Variants in MS4A4E observed in about 807,000 individuals in gnomAD.
The protein encoded by MS4A4E is membrane spanning 4-domains A4E.
In MS4A4E, 23 loss-of-function variants were observed where a neutral mutation model predicts 13.3. That is an observed-to-expected ratio of 1.73 (90% confidence interval 1.25 to 2.45). The LOEUF is 2.45. MS4A4E is among the 30% of genes most tolerant of loss of function. The probability of loss-of-function intolerance (pLI) is 0.00; values close to 1 mark genes in which losing one functional copy is unlikely to be tolerated. For missense variants in MS4A4E, 144 were observed against 131.2 expected (o/e 1.10, Z -0.48); for synonymous variants, 36 against 45.6 (o/e 0.79, Z 0.85).
chr11:60,219,601 C>T (rs2084242035), intron 3 of MS4A4E, among the ~76,000 whole-genome samples: 1 of 152,182 alleles, frequency 6.6e-6, no homozygotes, highest in African/African-American at 2.4e-5. Context: ...TGCCATTTTA[C>T]AGACCCAGAA....
intron 1 of MS4A4E, among the ~76,000 whole-genome samples, chr11:60,232,284 A>ACACACACACACACACACAC (rs2084419568): frequency 6.9e-5 from 9 of 130,166 alleles, no homozygotes; most frequent in African/African-American, 2.6e-4. Context: ...CATCGCCATC[A>ACACACACACACACACACAC]ACACACACAC....
At chr11:60,219,367 A>G (rs544701001) in intron 3 of MS4A4E, among the ~76,000 whole-genome samples, 41 of 152,366 alleles carry the variant, frequency 2.7e-4, no homozygotes, top group Middle Eastern at 6.8e-3. Flanking sequence ...CATAGCTACC[A>G]TAATAGACAG....
At chr11:60,212,108 CA>C (rs1393242401) in intron 5 of MS4A4E, among the ~76,000 whole-genome samples, 1 of 152,010 alleles carries the variant, frequency 6.6e-6, no homozygotes, top group Non-Finnish European at 1.5e-5. Flanking sequence ...ATTGAGATAG[CA>C]TTGAAATAAG....
chr11:60,224,281 CTT>C (rs1420210532), intron 3 of MS4A4E, among the ~76,000 whole-genome samples: 9 of 152,130 alleles, frequency 5.9e-5, no homozygotes, highest in Admixed American at 4.6e-4. Context: ...TGTTATTAAA[CTT>C]ATGAAACAAA....
chr11:60,216,261 A>C (rs2084190764), intron 3 of MS4A4E, among the ~76,000 whole-genome samples: 2 of 152,194 alleles, frequency 1.3e-5, no homozygotes, highest in Non-Finnish European at 2.9e-5. Context: ...AGTTCTTGGT[A>C]ATCTACTGAA....
chr11:60,202,054 T>C lies in MS4A4E; in HGVS notation c.660-175A>G, dbSNP rs527931908. ...ATTGATGGTTAACCACTGTCACTAA[T>C]TGCCAGAGCCCTTGCTCTCAGACAT... is the stretch of plus-strand genomic sequence containing the variant. On this transcript the variant is annotated intron_variant, in intron 8 of 8. Coordinates refer to ENST00000651255, the MANE Select transcript of MS4A4E (RefSeq NM_001393391.1). Among the ~76,000 whole-genome samples the C allele has an allele frequency of 7.2e-5, 11 of 152,334 alleles. No homozygotes were observed. The East Asian group carries it at 1.7e-3, about 24-fold the overall frequency.
intron 1 of MS4A4E, among the ~76,000 whole-genome samples, chr11:60,231,742 C>A (rs2084413713): frequency 6.6e-6 from 1 of 152,034 alleles, no homozygotes; most frequent in African/African-American, 2.4e-5. Context: ...TGAGAACTAT[C>A]AAAGTTAGTA....
chr11:60,217,353 G>A (rs2084209581), intron 3 of MS4A4E, among the ~76,000 whole-genome samples: 1 of 152,082 alleles, frequency 6.6e-6, no homozygotes, highest in Admixed American at 6.5e-5. Flanking sequence ...CTTGGAATGG[G>A]GATGTGCGGT....
rs1158925267 is a variant in MS4A4E, at chr11:60,228,644, A to C, written c.145-17T>G. The C allele has an allele frequency of 1.3e-5, 9 of 696,790 alleles. No homozygotes were observed. The East Asian group carries it at 2.4e-4, about 19-fold the overall frequency. 43.2% of individuals were successfully genotyped at this position (696,790 alleles called of 1,614,324 possible). On this transcript the variant is annotated splice_polypyrimidine_tract_variant and intron_variant, in intron 2 of 8. Transcript: ENST00000651255. ...ACACAAAACCTGCACACAGATATTT[A>C]TAGCAACGTTACTCCTAATTGCCAA...
chr11:60,219,311 C>T (rs1444931496), intron 3 of MS4A4E, among the ~76,000 whole-genome samples: 1 of 152,128 alleles, frequency 6.6e-6, no homozygotes, highest in Non-Finnish European at 1.5e-5. Flanking sequence ...GATCTAGAGA[C>T]AGCAGGGGCC....
At chr11:60,232,446 G>C (rs1293973232) in intron 1 of MS4A4E, among the ~76,000 whole-genome samples, 1 of 152,030 alleles carries the variant, frequency 6.6e-6, no homozygotes, top group East Asian at 1.9e-4. Context: ...AAGAAGGAGA[G>C]AAAACACCTT....
Position 60,230,049 on chromosome 11 carries a change from T to C in MS4A4E, c.7A>G (p.Thr3Ala). 1 of 1,585,646 alleles carries C rather than the reference T, an allele frequency of 6.3e-7. No homozygotes were observed. Among genetic ancestry groups the C allele is most frequent in the Non-Finnish European group, 8.5e-7 (1 of 1,170,040 alleles). The change falls in exon 2 of 9, where the codon ACC (threonine) becomes GCC (alanine). Residue 3 changes from threonine (T) to alanine (A), a missense_variant. Around this residue, in one of 3 missense-constraint regions of MS4A4E, gnomAD observed 119 missense variants for 88.7 expected, o/e 1.34. Transcript: ENST00000651255. MTTMQGMEQTTPG... is the reference protein window; with the variant it reads MTAMQGMEQTTPG... Reference sequence around the variant, plus strand: ...GTGGTCTGTTCCATTCCTTGCATGGTTGTCATGGCAGCAGAAAAGGTGCTA... The same window carrying C: ...GTGGTCTGTTCCATTCCTTGCATGGCTGTCATGGCAGCAGAAAAGGTGCTA...
intron 3 of MS4A4E, among the ~76,000 whole-genome samples, chr11:60,219,344 A>G (rs56357056): frequency 0.32 from 48,693 of 152,060 alleles, 8,975 homozygotes; most frequent in South Asian, 0.51. Flanking sequence ...TCAGCCATCA[A>G]AGGAAAGGTA....
At chr11:60,228,756 T>C (rs2084373487) in intron 2 of MS4A4E, 129 bp from the exon 3 acceptor site, 1 of 456,364 alleles carries the variant, frequency 2.2e-6, no homozygotes, top group Non-Finnish European at 3.9e-6. Flanking sequence ...TATTCAGTAC[T>C]AAAAATAAAT....
At chr11:60,229,647 T>C (rs183115479) in intron 2 of MS4A4E, among the ~76,000 whole-genome samples, 26 of 152,296 alleles carry the variant, frequency 1.7e-4, no homozygotes, top group Admixed American at 1.6e-3. Context: ...TTCTTCTATA[T>C]TGAAGTTAAA....
chr11:60,220,975 C>T (rs927196869), intron 3 of MS4A4E, among the ~76,000 whole-genome samples: 2 of 152,156 alleles, frequency 1.3e-5, no homozygotes, highest in Non-Finnish European at 2.9e-5. Context: ...TCACTTGGGC[C>T]ATAGAACAGA....
rs1023672608 is a variant in MS4A4E, at chr11:60,200,497, C to G, written c.*1046G>C. 3.9e-5 allele frequency among the ~76,000 whole-genome samples: 6 copies of G among 152,206 alleles called. No homozygotes were observed. Among genetic ancestry groups the G allele is most frequent in the Non-Finnish European group, 5.9e-5 (4 of 67,996 alleles). On this transcript the variant is annotated 3_prime_UTR_variant, in exon 9 of 9. Coordinates refer to ENST00000651255, the MANE Select transcript of MS4A4E (RefSeq NM_001393391.1). Reference sequence around the variant, plus strand: ...ATTAGGGAGTGGTGATGACTCTTAACGAGCATGCTGCCTTCAAGCATCTGT... The same window carrying G: ...ATTAGGGAGTGGTGATGACTCTTAAGGAGCATGCTGCCTTCAAGCATCTGT...
intron 3 of MS4A4E, among the ~76,000 whole-genome samples, chr11:60,219,571 A>G (rs1225693917): frequency 6.6e-6 from 1 of 152,198 alleles, no homozygotes; most frequent in East Asian, 1.9e-4. Flanking sequence ...TCGCAGCCCC[A>G]CTATCAATTT....
At chr11:60,230,616 A>G (rs2084397329) in intron 1 of MS4A4E, among the ~76,000 whole-genome samples, 1 of 152,204 alleles carries the variant, frequency 6.6e-6, no homozygotes. Context: ...GCTCTGAGTC[A>G]TATTCTTGGC....
Sources: allele counts gnomAD v4.1 joint callset (sites outside exome capture counted in the v4.1 genomes callset), GRCh38; gene constraint gnomAD v4.1.1; regional missense constraint gnomAD v4.1.1; transcripts MANE v1.5; gene names NCBI Gene and HGNC (gene_info 2026-07-23, HGNC 2026-07-21).